The following SGSH variants were observed in gnomAD, a reference collection of about 807,000 sequenced individuals.
SGSH encodes the protein heparan sulfate sulfatase.
In SGSH, 48 loss-of-function variants were observed where a neutral mutation model predicts 51.0. That is an observed-to-expected ratio of 0.94 (90% CI 0.75 to 1.20). The LOEUF (loss-of-function observed/expected upper bound fraction) is 1.20, where lower values mean the gene tolerates loss of function less well. Among genes scored for constraint, SGSH ranks in the 50% most tolerant of loss-of-function variants. SGSH has a pLI of 0.00. For missense variants in SGSH, 662 were observed against 717.8 expected (o/e 0.92, Z 0.89); for synonymous variants, 321 against 313.4 (o/e 1.02, Z -0.26).
At position 80,212,475 on chromosome 17, in the gene SGSH, C is replaced by T; in HGVS notation, c.746-201G>A. On this transcript the variant is annotated intron_variant, in intron 6 of 7. Coordinates refer to ENST00000326317, the MANE Select transcript of SGSH (RefSeq NM_000199.5). The surrounding 1 kb of genome is among the most constrained non-coding windows in gnomAD (Gnocchi z 5.9). ...CTCCGCCCAGCTCCCATTCCCTGAG[C>T]AGGCCTCGAATGGGCCTCCAGGGAC... is the stretch of plus-strand genomic sequence containing the variant. The T allele has an allele frequency of 1.6e-6, 1 of 634,166 alleles. No individual in the cohort carries two copies. Among genetic ancestry groups the T allele is most frequent in the South Asian group, 1.7e-5 (1 of 57,148 alleles). 39.3% of individuals were successfully genotyped at this position (634,166 alleles called of 1,614,324 possible).
intron 1 of SGSH, 43 bp downstream of exon 1, chr17:80,220,183 G>C (rs1269299724): frequency 2.1e-6 from 3 of 1,438,506 alleles, no homozygotes; most frequent in African/African-American, 1.4e-5. Context: ...CCACTTCCCC[G>C]GGCCACCGCA....
chr17:80,211,826 G>C, intron 7 of SGSH: 1 of 572,142 alleles, frequency 1.7e-6, no homozygotes, highest in Non-Finnish European at 3.1e-6. Context: ...CAATGGTTTT[G>C]AAAGCAGCAG....
chr17:80,216,198 G>A (rs566051041), intron 2 of SGSH, among the ~76,000 whole-genome samples: 27 of 152,094 alleles, frequency 1.8e-4, no homozygotes, highest in East Asian at 5.8e-4. Flanking sequence ...GCGTGGTGGC[G>A]CGCACCTGTA....
At chr17:80,214,819 G>A (rs761731699) in intron 3 of SGSH, 54 bp from the exon 4 acceptor site, 2 of 1,592,638 alleles carry the variant, frequency 1.3e-6, no homozygotes, top group Admixed American at 1.7e-5. Context: ...AACCCTTTCT[G>A]CTCCCTTCTC....
chr17:80,213,132 T>C lies in SGSH; in HGVS notation c.745+672A>G, dbSNP rs1251837449. On this transcript the variant is annotated intron_variant, in intron 6 of 7. Transcript: ENST00000326317. This position sits in a 1 kb window ranked among gnomAD's most constrained non-coding sequence, Gnocchi z 4.6. ...TCGCTCGAACCTGGGAGGTGGTGGTTGTAGTGAGCCGAGATTGCGCCACTG... is the reference window on the plus strand; with the variant it reads ...TCGCTCGAACCTGGGAGGTGGTGGTCGTAGTGAGCCGAGATTGCGCCACTG... 6.6e-6 allele frequency: 1 copy of C among 150,510 alleles called. No homozygotes were observed. Among genetic ancestry groups the C allele is most frequent in the Non-Finnish European group, 1.5e-5 (1 of 68,008 alleles). The allele number at this position is 150,510 out of a possible 1,614,324, so 9.3% of individuals were successfully genotyped here.
In SGSH at chr17:80,213,979, C is replaced by T. The variant is rs1320465388; in HGVS notation, c.664-94G>A. On this transcript the variant is annotated intron_variant, in intron 5 of 7. Transcript: ENST00000326317. This position sits in a 1 kb window ranked among gnomAD's most constrained non-coding sequence, Gnocchi z 4.6. ...CGGGGCCTCCTGCAAATGGGTTAGC[C>T]CAGAACAGCCTCACTCCGGACCACC... The T allele has an allele frequency of 4.4e-6, 6 of 1,360,894 alleles. No homozygotes were observed. Among genetic ancestry groups the T allele is most frequent in the Non-Finnish European group, 6.1e-6 (6 of 981,278 alleles). 84.3% of individuals were successfully genotyped at this position (1,360,894 alleles called of 1,614,324 possible).
chr17:80,217,214 G>A, intron 1 of SGSH, 22 bp from the exon 2 acceptor site: 1 of 1,591,974 alleles, frequency 6.3e-7, no homozygotes. Flanking sequence ...GGGAGACAGA[G>A]AGTGCACGGT....
At chr17:80,202,021 C>A, downstream of SGSH, 1 of 1,249,826 alleles carries the variant, frequency 8.0e-7, no homozygotes, top group Non-Finnish European at 1.1e-6. Context: ...CCAGGAGGCC[C>A]CCAAGCCAGC....
rs372556593 is a variant in SGSH, at chr17:80,215,006, G to A, written c.355+27C>T. On this transcript the variant is annotated intron_variant, in intron 3 of 7. Transcript: ENST00000326317. ...GCCTGGCCTCTGTGCCTCACCCCAC[G>A]CCCTGTCCTCGGCACGGGGTCCTCA... 1.0e-3 allele frequency: 1,624 copies of A among 1,585,156 alleles called. 3 individuals are homozygous for A. Among genetic ancestry groups the A allele is most frequent in the Non-Finnish European group, 1.2e-3 (1,436 of 1,161,842 alleles).
downstream of SGSH, chr17:80,205,252 C>T: frequency 6.6e-7 from 1 of 1,506,742 alleles, no homozygotes; most frequent in Non-Finnish European, 9.1e-7. Context: ...CCTTCCCTCC[C>T]TCCCTCCTCC....
chr17:80,210,249 G>C lies in SGSH; in HGVS notation c.*203C>G, dbSNP rs1257293919. ...CGGCAGTGCCCCTGGTGGTGGAGGG[G>C]CTGGGCACATGCTCTGGTCACATGC... On this transcript the variant is annotated 3_prime_UTR_variant, in exon 8 of 8. Coordinates refer to ENST00000326317, the MANE Select transcript of SGSH (RefSeq NM_000199.5). The C allele has an allele frequency of 2.8e-6, 4 of 1,426,590 alleles. No individual in the cohort carries two copies. Among genetic ancestry groups the C allele is most frequent in the Non-Finnish European group, 3.7e-6 (4 of 1,094,562 alleles). 88.4% of individuals were successfully genotyped at this position (1,426,590 alleles called of 1,614,324 possible).
downstream of SGSH, chr17:80,204,439 A>G: frequency 8.4e-7 from 1 of 1,188,246 alleles, no homozygotes; most frequent in South Asian, 1.6e-5. Flanking sequence ...GGGGGATGCC[A>G]CTCATTTAGG....
chr17:80,205,832 C>T (rs1005237048), downstream of SGSH: 10 of 550,868 alleles, frequency 1.8e-5, no homozygotes, highest in African/African-American at 1.2e-4. Context: ...TTAGGATCCA[C>T]GTGACTGTGG....
At position 80,213,865 on chromosome 17, in the gene SGSH, G is replaced by A. The variant is rs562717448; in HGVS notation, c.684C>T (p.Asn228=). Residue 228 remains asparagine, a synonymous_variant, in exon 6 of 8, where the codon AAC becomes AAT. Transcript: ENST00000326317. The surrounding 1 kb of genome is among the most constrained non-coding windows in gnomAD (Gnocchi z 4.6). ...CCAGGTCGGCTCGGGCTGCCGGGGT[G>A]TTGGGGACGAAGTAAGGCACCTGGG... The part of the protein sequence containing the change: ...LDVLVPYFVP[N]TPAARADLAA... 24 of 1,608,450 alleles carry A rather than the reference G, an allele frequency of 1.5e-5. No individual in the cohort carries two copies. The South Asian group carries it at 1.6e-4, about 10-fold the overall frequency.
chr17:80,205,727 T>C, downstream of SGSH: 242 of 1,320,262 alleles, frequency 1.8e-4, no homozygotes, highest in Middle Eastern at 2.7e-4. Flanking sequence ...GGGGATGAGA[T>C]AAAGGTACAG....
downstream of SGSH, chr17:80,205,919 TA>T (rs2041275587): frequency 8.6e-6 from 3 of 350,686 alleles, no homozygotes; most frequent in Admixed American, 4.4e-5. Context: ...CGAGAATGAA[TA>T]AATCCGAGCT....
At chr17:80,207,914 G>A (rs2041428913), downstream of SGSH, among the ~76,000 whole-genome samples, 1 of 151,936 alleles carries the variant, frequency 6.6e-6, no homozygotes, top group Non-Finnish European at 1.5e-5. Flanking sequence ...GACAGACCAA[G>A]ATGTCCTGCT....
In SGSH at chr17:80,214,656, A is replaced by C. The variant is rs747521615; in HGVS notation, c.465T>G (p.Ile155Met). Residue 155 changes from isoleucine (I) to methionine (M), a missense_variant, in exon 4 of 8, where the codon ATT (isoleucine) becomes ATG (methionine). Ile to Met is a conservative substitution (Grantham distance 10, BLOSUM62 1). Transcript: ENST00000326317. ...GCAGGAATTTCCGGACGAGCAGCTT[A>C]ATTCTAGTGATGTTCCGCCCCACCT... ...VLQVGRNITRIKLLVRKFLQT... is the reference protein window; with the variant it reads ...VLQVGRNITRMKLLVRKFLQT... 7.4e-6 allele frequency: 12 copies of C among 1,613,414 alleles called. No homozygotes were observed. In the South Asian group the frequency reaches 1.2e-4, roughly 16 times the overall value.
At position 80,209,609 on chromosome 17, in the gene SGSH, G is replaced by A; in HGVS notation, c.*843C>T. The A allele has an allele frequency of 2.2e-6, 2 of 926,360 alleles. No individual in the cohort carries two copies. The highest frequency in any genetic ancestry group is 2.6e-6 in the Non-Finnish European group (2 of 777,482). The allele number at this position is 926,360 out of a possible 1,614,324, so 57.4% of individuals were successfully genotyped here. ...CACCGAAGAATTAACCCAAGGCAGAGGATGGGCATTGCCACCCAGCAACGC... is the reference window on the plus strand; with the variant it reads ...CACCGAAGAATTAACCCAAGGCAGAAGATGGGCATTGCCACCCAGCAACGC... On this transcript the variant is annotated 3_prime_UTR_variant, in exon 8 of 8. Transcript: ENST00000326317.
Sources: gnomAD v4.1 joint callset for allele counts (sites outside exome capture counted in the v4.1 genomes callset) on GRCh38, gnomAD v4.1.1 for gene constraint, Gnocchi (gnomAD v3.1) non-coding constraint, MANE v1.5 for transcripts, NCBI Gene and HGNC (gene_info 2026-07-23, HGNC 2026-07-21) for gene names.